NLRP1: variants seen among roughly 807,000 people sequenced by gnomAD.
The protein encoded by NLRP1 is NACHT, LRR and PYD domains-containing protein 1.
In NLRP1, 94 loss-of-function variants were observed where a neutral mutation model predicts 136.7. The ratio of observed to expected loss-of-function variants is 0.69; its 90% CI spans 0.58 to 0.82. The LOEUF is 0.82. NLRP1 is among the 40% of genes least tolerant of loss of function. The pLI is 0.00. For synonymous variants in NLRP1, 690 were observed against 725.1 expected, an observed-to-expected ratio of 0.95 and a Z score of 0.78; for missense variants, 1,575 against 1,802.7, an observed-to-expected ratio of 0.87 and a Z score of 2.29.
At position 5,584,057 on chromosome 17, in the gene NLRP1, G is replaced by A. The variant is rs116908579; in HGVS notation, c.-100C>T. The A allele has an allele frequency of 9.9e-3, 11,797 of 1,195,622 alleles. 79 individuals carry two copies. Among genetic ancestry groups the A allele is most frequent in the Non-Finnish European group, 0.012 (9,993 of 865,050 alleles). The allele number at this position is 1,195,622 out of a possible 1,614,324, so 74.1% of individuals were successfully genotyped here. A position where few individuals can be genotyped will look rare whatever the true frequency, so the allele number is the denominator to read the frequency against. ...GCTGTCCTTTGCCTTGGCTCTTACC[G>A]TCTCTTATTCAGCATTCGGAACCCA... On this transcript the variant is annotated 5_prime_UTR_variant, in exon 1 of 17. It adds an upstream start codon to the 5' untranslated region. Coordinates refer to ENST00000572272, the MANE Select transcript of NLRP1 (RefSeq NM_033004.4).
intron 6 of NLRP1, among the ~76,000 whole-genome samples, chr17:5,539,923 T>G (rs1160087300): frequency 6.6e-6 from 1 of 152,210 alleles, no homozygotes; most frequent in Non-Finnish European, 1.5e-5. Context: ...CTTTTTTCTT[T>G]TGAGACGAGT....
downstream of NLRP1, among the ~76,000 whole-genome samples, chr17:5,513,588 TAA>T (rs1401339157): frequency 5.3e-5 from 8 of 152,210 alleles, no homozygotes; most frequent in African/African-American, 1.7e-4. Flanking sequence ...GGAGTCCCTA[TAA>T]GTCATTCGAT....
chr17:5,541,843 C>A lies in NLRP1; in HGVS notation c.2699+14G>T, dbSNP rs781075900. On this transcript the variant is annotated intron_variant, in intron 6 of 16. Coordinates refer to ENST00000572272, the MANE Select transcript of NLRP1 (RefSeq NM_033004.4). This position sits in a 1 kb window ranked among gnomAD's most constrained non-coding sequence, Gnocchi z 4.2. Reference sequence around the variant, plus strand: ...AGTTCCCTCCACCTCCCCCTGCCCACCAAGAACAATTACTGCAGTCGCTGT... The same window carrying A: ...AGTTCCCTCCACCTCCCCCTGCCCAACAAGAACAATTACTGCAGTCGCTGT... 4.3e-6 allele frequency: 7 copies of A among 1,613,474 alleles called. No homozygotes were observed. The highest frequency in any genetic ancestry group is 5.9e-6 in the Non-Finnish European group (7 of 1,179,818).
intron 3 of NLRP1, among the ~76,000 whole-genome samples, chr17:5,573,690 A>G (rs543051990): frequency 6.6e-6 from 1 of 152,348 alleles, no homozygotes; most frequent in African/African-American, 2.4e-5. Context: ...TCTGCTGCTG[A>G]TACCCAGGCA....
At chr17:5,511,251 T>G (rs1907606855), downstream of NLRP1, among the ~76,000 whole-genome samples, 1 of 151,886 alleles carries the variant, frequency 6.6e-6, no homozygotes, top group Non-Finnish European at 1.5e-5. Context: ...GCCAACATGG[T>G]GAAACCCCGT....
chr17:5,560,455 G>A (rs1914609204), intron 3 of NLRP1, among the ~76,000 whole-genome samples: 1 of 152,210 alleles, frequency 6.6e-6, no homozygotes, highest in South Asian at 2.1e-4. Context: ...GGAGACACTG[G>A]AGTGTGTAGC....
intron 4 of NLRP1, among the ~76,000 whole-genome samples, chr17:5,557,067 G>A (rs935503623): frequency 3.9e-5 from 6 of 152,158 alleles, no homozygotes; most frequent in East Asian, 1.9e-4. Context: ...TCAGTATCAC[G>A]ATCTCAGCTC....
chr17:5,538,911 C>T (rs957838332), intron 7 of NLRP1, among the ~76,000 whole-genome samples: 2 of 152,146 alleles, frequency 1.3e-5, no homozygotes, highest in African/African-American at 2.4e-5. Context: ...GACTGAGTCT[C>T]ACTCTGTTGC....
At chr17:5,527,026 C>T (rs939895342) in intron 12 of NLRP1, among the ~76,000 whole-genome samples, 4 of 152,222 alleles carry the variant, frequency 2.6e-5, no homozygotes, top group African/African-American at 7.2e-5. Context: ...TGAACAGCTG[C>T]AGCCCAGACA....
At chr17:5,556,104 GTCTCTC>G (rs1191688324) in intron 4 of NLRP1, among the ~76,000 whole-genome samples, 5 of 114,822 alleles carry the variant, frequency 4.4e-5, no homozygotes, top group African/African-American at 1.2e-4. Flanking sequence ...CTCTGTCTCT[GTCTCTC>G]TCTCTACACA....
Position 5,583,565 on chromosome 17 carries a change from T to C in NLRP1, c.271+122A>G. On this transcript the variant is annotated intron_variant, in intron 1 of 16. Transcript: ENST00000572272. This position sits in a 1 kb window ranked among gnomAD's most constrained non-coding sequence, Gnocchi z 4.5. ...CTGGATCCCCCTTTGAGAGGGCAGT[T>C]CCATGTCACTGCTCAGAGGAAGGCC... 9.5e-7 allele frequency: 1 copy of C among 1,055,864 alleles called. No homozygotes were observed. The highest frequency in any genetic ancestry group is 1.7e-5 in the South Asian group (1 of 60,394). The allele number at this position is 1,055,864 out of a possible 1,614,324, so 65.4% of individuals were successfully genotyped here.
At chr17:5,536,968 C>T (rs1428181166) in intron 7 of NLRP1, 28 bp from the exon 8 acceptor site, 1 of 1,531,282 alleles carries the variant, frequency 6.5e-7, no homozygotes, top group African/African-American at 1.4e-5. Flanking sequence ...GCCGGGTCCT[C>T]CTGGGATCCC....
At chr17:5,572,943 C>T (rs145037450) in intron 3 of NLRP1, among the ~76,000 whole-genome samples, 13 of 152,234 alleles carry the variant, frequency 8.5e-5, no homozygotes, top group Admixed American at 2.0e-4. Flanking sequence ...CCAGGTTCAT[C>T]TCACTGGGGC....
At chr17:5,548,992 G>A (rs1047202329) in intron 5 of NLRP1, among the ~76,000 whole-genome samples, 2 of 152,178 alleles carry the variant, frequency 1.3e-5, no homozygotes, top group Non-Finnish European at 2.9e-5. Flanking sequence ...AATGGCAGCT[G>A]GGATTCTGCT....
At chr17:5,554,045 C>A (rs891824454) in intron 4 of NLRP1, among the ~76,000 whole-genome samples, 9 of 152,074 alleles carry the variant, frequency 5.9e-5, no homozygotes, top group Admixed American at 4.6e-4. Flanking sequence ...AGTCCCAGTG[C>A]CCAGGAAAGA....
At chr17:5,572,774 A>G (rs1904546269) in intron 3 of NLRP1, among the ~76,000 whole-genome samples, 1 of 152,042 alleles carries the variant, frequency 6.6e-6, no homozygotes, top group African/African-American at 2.4e-5. Context: ...AGACATACAC[A>G]TGGCCAACAG....
rs35022826 is a variant in NLRP1, at chr17:5,543,659, T to TAA, written c.2529-1634_2529-1633dup. ...TGACAGAGCAGGACTCCATCTCAAATAAAAAAAAAAAAAATGCAAGATCCC... is the reference window on the plus strand; with the variant it reads ...TGACAGAGCAGGACTCCATCTCAAATAAAAAAAAAAAAAAAATGCAAGATCCC... On this transcript the variant is annotated intron_variant, in intron 5 of 16. Transcript: ENST00000572272. Among the ~76,000 whole-genome samples the TAA allele has an allele frequency of 1.2e-3, 144 of 120,756 alleles. 2 individuals are homozygous for TAA. In the East Asian group the frequency reaches 0.025, roughly 21 times the overall value. The allele number at this position is 120,756 out of a possible 152,430, so 79.2% of individuals were successfully genotyped here. A position where few individuals can be genotyped will look rare whatever the true frequency, so the allele number is the denominator to read the frequency against.
chr17:5,573,381 C>T (rs986248762), intron 3 of NLRP1, among the ~76,000 whole-genome samples: 4 of 152,210 alleles, frequency 2.6e-5, no homozygotes, highest in African/African-American at 9.6e-5. Context: ...GTAGACTCCA[C>T]CTCTGGGGGC....
At chr17:5,531,167 CTATCT>C (rs1381118268) in intron 11 of NLRP1, among the ~76,000 whole-genome samples, 12 of 138,216 alleles carry the variant, frequency 8.7e-5, no homozygotes, top group African/African-American at 3.2e-4. Context: ...TCTATCTAAT[CTATCT>C]AATCTATCTA....
Sources: allele counts gnomAD v4.1 joint callset (sites outside exome capture counted in the v4.1 genomes callset), GRCh38; gene constraint gnomAD v4.1.1; non-coding constraint Gnocchi (gnomAD v3.1); transcripts MANE v1.5; gene names NCBI Gene and HGNC (gene_info 2026-07-23, HGNC 2026-07-21).